B3GALT1: variants seen among roughly 807,000 people sequenced by gnomAD.
The protein encoded by B3GALT1 is beta-1,3-galactosyltransferase 1.
Under a neutral mutation model 23.2 loss-of-function variants are expected in B3GALT1, and 10 were observed. The observed-to-expected ratio is 0.43, with a 90% CI of 0.27 to 0.73. B3GALT1 has a LOEUF of 0.73. B3GALT1 is among the 30% of genes least tolerant of loss of function. The pLI is 0.21. For missense variants in B3GALT1, 299 were observed against 405.4 expected (o/e 0.74, Z 2.25); for synonymous variants, 156 against 141.5 (o/e 1.10, Z -0.73).
At chr2:167,763,027 A>G (rs1305989869) in intron 3 of B3GALT1, among the ~76,000 whole-genome samples, 3 of 152,194 alleles carry the variant, frequency 2.0e-5, no homozygotes, top group African/African-American at 7.2e-5. Context: ...CGTCTATTTG[A>G]AATAAAATGC....
chr2:167,667,948 T>C (rs565299506), intron 3 of B3GALT1, among the ~76,000 whole-genome samples: 3 of 152,292 alleles, frequency 2.0e-5, no homozygotes, highest in Admixed American at 6.5e-5. Context: ...TCTCTCAGCT[T>C]GTCAAAGTCA....
At chr2:167,679,188 G>A (rs539733896) in intron 3 of B3GALT1, among the ~76,000 whole-genome samples, 1 of 150,938 alleles carries the variant, frequency 6.6e-6, no homozygotes, top group African/African-American at 2.4e-5. Context: ...GCAAAATCTC[G>A]GCTCACCGCA....
intron 3 of B3GALT1, among the ~76,000 whole-genome samples, chr2:167,650,117 G>A (rs1653400): frequency 0.17 from 26,459 of 151,482 alleles, 2,746 homozygotes; most frequent in South Asian, 0.27. Context: ...GAGTGATTCT[G>A]TCATGAAATA....
chr2:167,696,467 C>T (rs993283347), intron 3 of B3GALT1, among the ~76,000 whole-genome samples: 3 of 152,062 alleles, frequency 2.0e-5, no homozygotes, highest in Admixed American at 6.6e-5. Context: ...ACTGTCTTAA[C>T]CCTCAAGGAA....
chr2:167,297,520 T>A (rs528446163), intron 1 of B3GALT1, among the ~76,000 whole-genome samples: 1 of 152,098 alleles, frequency 6.6e-6, no homozygotes, highest in Non-Finnish European at 1.5e-5. Flanking sequence ...AGTAAGCTTG[T>A]CTTTAATTAA....
intron 2 of B3GALT1, among the ~76,000 whole-genome samples, chr2:167,536,049 G>A (rs1683414133): frequency 2.0e-5 from 3 of 152,078 alleles, no homozygotes; most frequent in Admixed American, 2.0e-4. Context: ...TCAGCCTCTT[G>A]AATAGCTCCA....
chr2:167,634,140 T>A (rs143426091), intron 2 of B3GALT1, among the ~76,000 whole-genome samples: 21 of 152,222 alleles, frequency 1.4e-4, no homozygotes, highest in African/African-American at 4.6e-4. Flanking sequence ...AAATAAATTC[T>A]TTGAAACCAA....
chr2:167,854,796 C>T (rs1574303123), intron 4 of B3GALT1, among the ~76,000 whole-genome samples: 1 of 152,212 alleles, frequency 6.6e-6, no homozygotes, highest in East Asian at 1.9e-4. Flanking sequence ...ACTGCCAAAT[C>T]GGCCATGAGT....
At chr2:167,655,962 A>C (rs572815592) in intron 3 of B3GALT1, among the ~76,000 whole-genome samples, 11 of 152,108 alleles carry the variant, frequency 7.2e-5, no homozygotes, top group Non-Finnish European at 2.9e-5. Flanking sequence ...AAATGTATTC[A>C]ATTTAGAAAG....
chr2:167,704,745 T>G (rs534133267), intron 3 of B3GALT1, among the ~76,000 whole-genome samples: 1 of 152,302 alleles, frequency 6.6e-6, no homozygotes, highest in African/African-American at 2.4e-5. Context: ...ATCAAATTGA[T>G]GCATTAAGAT....
At chr2:167,676,227 A>G (rs1393059784) in intron 3 of B3GALT1, among the ~76,000 whole-genome samples, 1 of 152,122 alleles carries the variant, frequency 6.6e-6, no homozygotes, top group Non-Finnish European at 1.5e-5. Context: ...AATTCTTACC[A>G]AGTGCAACAT....
intron 1 of B3GALT1, among the ~76,000 whole-genome samples, chr2:167,474,830 G>A (rs1210018121): frequency 6.6e-6 from 1 of 152,176 alleles, no homozygotes; most frequent in Non-Finnish European, 1.5e-5. Flanking sequence ...TATTCAAGGT[G>A]TAGTTTGCTC....
intron 4 of B3GALT1, among the ~76,000 whole-genome samples, chr2:167,822,114 CCTG>C (rs752889016): frequency 2.0e-5 from 3 of 151,924 alleles, no homozygotes; most frequent in Non-Finnish European, 4.4e-5. Context: ...CTCTAAAAAC[CCTG>C]CTTTTTCCTC....
intron 3 of B3GALT1, among the ~76,000 whole-genome samples, chr2:167,762,959 A>G (rs796406800): frequency 7.9e-5 from 12 of 152,300 alleles, no homozygotes; most frequent in African/African-American, 2.9e-4. Flanking sequence ...AACAGTTACC[A>G]TTATTCTTGC....
chr2:167,589,995 T>C (rs529006027), intron 2 of B3GALT1, among the ~76,000 whole-genome samples: 1 of 152,108 alleles, frequency 6.6e-6, no homozygotes. Context: ...TTGATTATCT[T>C]TGAAAATCTT....
chr2:167,490,700 C>CATCTGTAAACACTTGTGTTGGGG (rs759521212), intron 2 of B3GALT1, among the ~76,000 whole-genome samples: 68 of 152,330 alleles, frequency 4.5e-4, no homozygotes, highest in Non-Finnish European at 9.0e-4. Context: ...CTTATTAGCA[C>CATCTGTAAACACTTGTGTTGGGG]ATCTGTAAAC....
intron 2 of B3GALT1, among the ~76,000 whole-genome samples, chr2:167,630,409 T>C (rs1473736041): frequency 1.3e-5 from 2 of 151,784 alleles, no homozygotes; most frequent in Admixed American, 6.6e-5. Context: ...ATTAATTAAA[T>C]ACAAGTTCTA....
At position 167,348,282 on chromosome 2, in the gene B3GALT1, T is replaced by C; in HGVS notation, c.-511+54948T>C. Reference sequence around the variant, plus strand: ...GTCCATTTAACCAGTTGTATCCAGATGTCTTTTCAGTAATTTTTATATTGT... The same window carrying C: ...GTCCATTTAACCAGTTGTATCCAGACGTCTTTTCAGTAATTTTTATATTGT... On this transcript the variant is annotated intron_variant, in intron 1 of 4. Transcript: ENST00000392690. Among the ~76,000 whole-genome samples the C allele has an allele frequency of 1.3e-5, 2 of 152,226 alleles. 1 individual carries two copies. The highest frequency in any genetic ancestry group is 3.8e-4 in the East Asian group (2 of 5,196).
intron 4 of B3GALT1, among the ~76,000 whole-genome samples, chr2:167,839,160 G>A (rs1689568645): frequency 1.3e-5 from 2 of 150,984 alleles, no homozygotes; most frequent in African/African-American, 4.9e-5. Flanking sequence ...TCAACATAGT[G>A]TTGGAAGTTC....
Sources: allele counts gnomAD v4.1 joint callset (sites outside exome capture counted in the v4.1 genomes callset), GRCh38; gene constraint gnomAD v4.1.1; transcripts MANE v1.5; gene names NCBI Gene and HGNC (gene_info 2026-07-23, HGNC 2026-07-21).